ZBTB49: variants seen among roughly 807,000 people sequenced by gnomAD.
The protein encoded by ZBTB49 is zinc finger and BTB domain-containing protein 49.
In ZBTB49, 43 loss-of-function variants were observed where a neutral mutation model predicts 57.5. The observed-to-expected ratio is 0.75, with a 90% CI of 0.59 to 0.97. The LOEUF (loss-of-function observed/expected upper bound fraction) is 0.97. ZBTB49 is among the 50% of genes least tolerant of loss of function. The pLI is 0.00. For missense variants in ZBTB49, 938 were observed against 947.7 expected, an observed-to-expected ratio of 0.99 and a Z score of 0.13; for synonymous variants, 369 against 362.1, an observed-to-expected ratio of 1.02 and a Z score of -0.22.
At chr4:4,298,912 G>A (rs138403969) in intron 1 of ZBTB49, among the ~76,000 whole-genome samples, 59 of 152,330 alleles carry the variant, frequency 3.9e-4, no homozygotes, top group Non-Finnish European at 7.3e-4. Context: ...GCACTTTCGT[G>A]TGTGTGTTTC....
chr4:4,300,159 A>T, intron 2 of ZBTB49, 62 bp downstream of exon 2: 1 of 1,553,584 alleles, frequency 6.4e-7, no homozygotes, highest in Non-Finnish European at 8.8e-7. Flanking sequence ...TTTAGTATGG[A>T]AGTATTCATA....
chr4:4,321,357 A>G lies in ZBTB49; in HGVS notation c.*41A>G. ...CACGGTAGAGGCGTGTTCTCAGTTT[A>G]GCAGGCTGGTGTTAAGGCTGTAGGA... is the stretch of plus-strand genomic sequence containing the variant. On this transcript the variant is annotated 3_prime_UTR_variant, in exon 8 of 8. Transcript: ENST00000337872. 1 of 1,593,026 alleles carries G rather than the reference A, an allele frequency of 6.3e-7. No individual in the cohort carries two copies. Among genetic ancestry groups the G allele is most frequent in the Non-Finnish European group, 8.5e-7 (1 of 1,174,974 alleles).
chr4:4,312,997 A>G (rs755314560), intron 4 of ZBTB49, 44 bp from the exon 5 acceptor site: 6 of 1,604,686 alleles, frequency 3.7e-6, no homozygotes, highest in Non-Finnish European at 5.1e-6. Context: ...TAAAAAACCA[A>G]AAACTTTCAT....
chr4:4,312,469 T>C (rs1009093399), intron 4 of ZBTB49, among the ~76,000 whole-genome samples: 8 of 152,208 alleles, frequency 5.3e-5, no homozygotes, highest in African/African-American at 1.7e-4. Flanking sequence ...GCCCTGCACC[T>C]GAGAGGCTGC....
At chr4:4,314,292 C>T (rs1721099613) in intron 5 of ZBTB49, among the ~76,000 whole-genome samples, 1 of 152,208 alleles carries the variant, frequency 6.6e-6, no homozygotes, top group African/African-American at 2.4e-5. Flanking sequence ...ACTGTTGGCC[C>T]CTGCATGTCT....
At chr4:4,298,320 C>A (rs1276870116) in intron 1 of ZBTB49, among the ~76,000 whole-genome samples, 1 of 152,106 alleles carries the variant, frequency 6.6e-6, no homozygotes, top group Non-Finnish European at 1.5e-5. Context: ...TGTTGAAAAG[C>A]TTAGATTTGG....
chr4:4,321,061 G>A lies in ZBTB49; in HGVS notation c.2043G>A (p.Gln681=). 6.2e-7 allele frequency: 1 copy of A among 1,614,210 alleles called. No individual in the cohort carries two copies. Among genetic ancestry groups the A allele is most frequent in the East Asian group, 2.2e-5 (1 of 44,874 alleles). The change falls in exon 8 of 8, where the codon CAG becomes CAA. Residue 681 remains glutamine, a synonymous_variant. Transcript: ENST00000337872. ...ATCCTGGTAAACTTGCCAAGCCCCA[G>A]ATGCAGCAGACACAGCCTCAGGCCT... is the stretch of plus-strand genomic sequence containing the variant. ...SLDPGKLAKP[Q]MQQTQPQAYA...
intron 1 of ZBTB49, among the ~76,000 whole-genome samples, chr4:4,291,556 C>T (rs1719914254): frequency 1.3e-5 from 2 of 152,198 alleles, no homozygotes; most frequent in Non-Finnish European, 2.9e-5. Flanking sequence ...TACTTTCCAA[C>T]AGAAGTGACA....
chr4:4,321,779 A>G lies in ZBTB49; in HGVS notation c.*463A>G, dbSNP rs1018969324. Reference sequence around the variant, plus strand: ...TAATTCGAATAAATGAAACTTTTCTATATATTATATGTTTCCTCTAGCATT... The same window carrying G: ...TAATTCGAATAAATGAAACTTTTCTGTATATTATATGTTTCCTCTAGCATT... On this transcript the variant is annotated 3_prime_UTR_variant, in exon 8 of 8. Transcript: ENST00000337872. 1 of 174,310 alleles carries G rather than the reference A, an allele frequency of 5.7e-6. No individual in the cohort carries two copies. Among genetic ancestry groups the G allele is most frequent in the Non-Finnish European group, 1.2e-5 (1 of 83,534 alleles). 10.8% of individuals were successfully genotyped at this position (174,310 alleles called of 1,614,324 possible).
Position 4,320,931 on chromosome 4 carries a change from A to C in ZBTB49, c.1913A>C (p.Glu638Ala). ...GTTAAACTCCCTGTCCACCCAGTGG[A>C]AAATTCTGTGGCAGAATTTGATAGC... ...VSVKLPVHPV[E>A]NSVAEFDSHS... The change falls in exon 8 of 8, where the codon GAA becomes GCA. Residue 638 changes from glutamate to alanine, a missense_variant. Glu to Ala is a moderately radical substitution (Grantham distance 107). Around this residue, in one of 3 missense-constraint regions of ZBTB49, gnomAD observed 835 missense variants for 819.1 expected, o/e 1.02. Coordinates refer to ENST00000337872, the MANE Select transcript of ZBTB49 (RefSeq NM_145291.4). 6.2e-7 allele frequency: 1 copy of C among 1,614,202 alleles called. No homozygotes were observed. Among genetic ancestry groups the C allele is most frequent in the Non-Finnish European group, 8.5e-7 (1 of 1,180,030 alleles).
In ZBTB49 at chr4:4,321,187, C is replaced by T. The variant is rs993941410; in HGVS notation, c.2169C>T (p.Gly723=). The change falls in exon 8 of 8, where the codon GGC becomes GGT. Residue 723 remains glycine, a synonymous_variant. Coordinates refer to ENST00000337872, the MANE Select transcript of ZBTB49 (RefSeq NM_145291.4). ...RSSLAALDNH[G]GDPLGSRASS... ...CTCTGGCTGCTTTGGACAACCACGG[C>T]GGTGACCCCCTGGGCAGTCGAGCAT... is the stretch of plus-strand genomic sequence containing the variant. 10 of 1,614,168 alleles carry T rather than the reference C, an allele frequency of 6.2e-6. No individual in the cohort carries two copies. Among genetic ancestry groups the T allele is most frequent in the African/African-American group, 2.7e-5 (2 of 75,042 alleles).
chr4:4,298,282 G>A (rs151258305), intron 1 of ZBTB49, among the ~76,000 whole-genome samples: 1 of 152,332 alleles, frequency 6.6e-6, no homozygotes, highest in East Asian at 1.9e-4. Context: ...AGTAATGGGA[G>A]ATAAGTCTAA....
At chr4:4,309,324 T>C (rs1478871135) in intron 4 of ZBTB49, among the ~76,000 whole-genome samples, 1 of 152,162 alleles carries the variant, frequency 6.6e-6, no homozygotes, top group African/African-American at 2.4e-5. Flanking sequence ...GGAAGAGTCA[T>C]GTCATACTTT....
intron 4 of ZBTB49, among the ~76,000 whole-genome samples, chr4:4,311,543 T>C (rs1394963155): frequency 6.6e-6 from 1 of 152,254 alleles, no homozygotes; most frequent in Non-Finnish European, 1.5e-5. Flanking sequence ...TAGAGGAGTT[T>C]AGATTCACAG....
intron 3 of ZBTB49, among the ~76,000 whole-genome samples, chr4:4,304,269 A>G (rs1423121346): frequency 6.8e-6 from 1 of 146,558 alleles, no homozygotes; most frequent in Non-Finnish European, 1.5e-5. Context: ...TCTGTTGCCC[A>G]GACTGGAGTG....
At chr4:4,298,718 C>G (rs952754814) in intron 1 of ZBTB49, among the ~76,000 whole-genome samples, 1 of 152,178 alleles carries the variant, frequency 6.6e-6, no homozygotes, top group African/African-American at 2.4e-5. Context: ...GTGTGAACCA[C>G]CACGCCTAGT....
At chr4:4,317,724 G>A (rs890112759) in intron 7 of ZBTB49, among the ~76,000 whole-genome samples, 5 of 151,980 alleles carry the variant, frequency 3.3e-5, no homozygotes, top group South Asian at 2.1e-4. Flanking sequence ...TGAGCTTCTC[G>A]GTGTTTCAAA....
intron 1 of ZBTB49, among the ~76,000 whole-genome samples, chr4:4,296,594 A>C (rs966814479): frequency 1.3e-5 from 2 of 152,212 alleles, no homozygotes; most frequent in African/African-American, 4.8e-5. Context: ...AAGTCTAATA[A>C]ACCTCTTTCT....
intron 1 of ZBTB49, among the ~76,000 whole-genome samples, chr4:4,294,584 G>A (rs1021826613): frequency 6.6e-6 from 1 of 152,094 alleles, no homozygotes; most frequent in Admixed American, 6.6e-5. Flanking sequence ...CGAACTCGTA[G>A]CCTTAGGTGA....
Sources: gnomAD v4.1 joint callset for allele counts (sites outside exome capture counted in the v4.1 genomes callset) on GRCh38, gnomAD v4.1.1 for gene constraint, gnomAD v4.1.1 regional missense constraint, MANE v1.5 for transcripts, NCBI Gene and HGNC (gene_info 2026-07-23, HGNC 2026-07-21) for gene names.